SLC35F5: variants seen among roughly 807,000 people sequenced by gnomAD.
The protein encoded by SLC35F5 is solute carrier family 35 member F5, also known as HCV NS5A-transactivated protein 3.
Under a neutral mutation model 68.6 loss-of-function variants are expected in SLC35F5, and 54 were observed. The ratio of observed to expected loss-of-function variants is 0.79; its 90% CI spans 0.63 to 0.99. SLC35F5 has a LOEUF of 0.99. SLC35F5 is among the 50% of genes least tolerant of loss of function. The pLI is 0.00. For missense variants in SLC35F5, 567 were observed against 626.9 expected, an observed-to-expected ratio of 0.90 and a Z score of 1.02; for synonymous variants, 211 against 205.2, an observed-to-expected ratio of 1.03 and a Z score of -0.24.
chr2:113,756,105 T>C (rs1475875111), intron 1 of SLC35F5: 7 of 1,445,564 alleles, frequency 4.8e-6, no homozygotes, highest in Non-Finnish European at 6.3e-6. Context: ...ATCATCCTTC[T>C]GTTTTGGAGC....
rs1481495890 is a variant in SLC35F5, at chr2:113,710,115, T to A, written c.*5103A>T. Among the ~76,000 whole-genome samples the A allele has an allele frequency of 6.6e-6, 1 of 152,166 alleles. No homozygotes were observed. Among genetic ancestry groups the A allele is most frequent in the Non-Finnish European group, 1.5e-5 (1 of 68,022 alleles). On this transcript the variant is annotated 3_prime_UTR_variant, in exon 16 of 16. Transcript: ENST00000245680. Reference sequence around the variant, plus strand: ...ACAGGCATGAGCCTGTGTTCTCCCCTCTCTTCCAATAATGTGTATTCAACA... The same window carrying A: ...ACAGGCATGAGCCTGTGTTCTCCCCACTCTTCCAATAATGTGTATTCAACA...
chr2:113,718,797 A>C (rs1360172638), intron 14 of SLC35F5, among the ~76,000 whole-genome samples: 1 of 151,894 alleles, frequency 6.6e-6, no homozygotes, highest in Non-Finnish European at 1.5e-5. Context: ...TCTGTCAAGA[A>C]AGAGAAAAAA....
rs768903804 is a variant in SLC35F5 at position 113,742,734 on chromosome 2, A to G, written c.708T>C (p.Thr236=). 1.9e-6 allele frequency: 3 copies of G among 1,614,090 alleles called. No individual in the cohort carries two copies. In the South Asian group the frequency reaches 3.3e-5, roughly 18 times the overall value. ...ESILKTVGKL[T]ATQVAKISFF... ...AGCTAATTTTCGCTACTTGAGTTGCAGTAAGTTTCCCCACAGTTTTCAGTA... is the reference window on the plus strand; with the variant it reads ...AGCTAATTTTCGCTACTTGAGTTGCGGTAAGTTTCCCCACAGTTTTCAGTA... Residue 236 remains threonine, a synonymous_variant, in exon 7 of 16, where the codon ACT becomes ACC. Transcript: ENST00000245680.
At chr2:113,742,571 G>T in intron 7 of SLC35F5, 121 bp downstream of exon 7, 1 of 982,362 alleles carries the variant, frequency 1.0e-6, no homozygotes, top group Non-Finnish European at 1.5e-6. Flanking sequence ...AAATAGCAGA[G>T]TTTAAAGTCA....
chr2:113,721,889 C>T (rs1372713676), intron 13 of SLC35F5, among the ~76,000 whole-genome samples: 1 of 150,774 alleles, frequency 6.6e-6, no homozygotes, highest in East Asian at 1.9e-4. Flanking sequence ...AATTTACTGA[C>T]CATAAAACAA....
At position 113,731,648 on chromosome 2, in the gene SLC35F5, G is replaced by A. The variant is rs1026914401; in HGVS notation, c.921C>T (p.Ser307=). The change falls in exon 10 of 16, where the codon AGC becomes AGT. Residue 307 remains serine (S), a splice_region_variant and synonymous_variant. Transcript: ENST00000245680. ...TLSKLLAVIL[S]IGGVVLVNLA... is the part of the protein sequence containing the mutation. ...GGTTTACCAGTACAACGCCTCCAATGCTATGAGAATAACAGTCATTAATGA... is the reference window on the plus strand; with the variant it reads ...GGTTTACCAGTACAACGCCTCCAATACTATGAGAATAACAGTCATTAATGA... 1.2e-6 allele frequency: 2 copies of A among 1,611,450 alleles called. No individual in the cohort carries two copies. Among genetic ancestry groups the A allele is most frequent in the African/African-American group, 2.7e-5 (2 of 74,810 alleles).
chr2:113,731,380 T>A (rs1296042335), intron 10 of SLC35F5, among the ~76,000 whole-genome samples: 1 of 152,192 alleles, frequency 6.6e-6, no homozygotes, highest in Non-Finnish European at 1.5e-5. Flanking sequence ...TTATGTAAGT[T>A]GTTAACATTT....
At chr2:113,724,530 C>T (rs766211349) in intron 12 of SLC35F5, among the ~76,000 whole-genome samples, 1 of 151,900 alleles carries the variant, frequency 6.6e-6, no homozygotes, top group Non-Finnish European at 1.5e-5. Context: ...TGGGGGATAC[C>T]AAGAAAATAG....
At position 113,718,517 on chromosome 2, in the gene SLC35F5, T is replaced by C. The variant is rs148758612; in HGVS notation, c.1496+637A>G. ...TGTTATGGCAAAACAGTAAACCTTT[T>C]GGTATTACCTGTGAATCATATTTTT... On this transcript the variant is annotated intron_variant, in intron 14 of 15. Coordinates refer to ENST00000245680, the MANE Select transcript of SLC35F5 (RefSeq NM_025181.5). Among the ~76,000 whole-genome samples, 516 of 152,342 alleles carry C rather than the reference T, an allele frequency of 3.4e-3. 9 individuals are homozygous for C. Among genetic ancestry groups the C allele is most frequent in the African/African-American group, 0.012 (496 of 41,584 alleles).
At position 113,711,988 on chromosome 2, in the gene SLC35F5, A is replaced by G. The variant is rs1687002680; in HGVS notation, c.*3230T>C. 1.3e-5 allele frequency among the ~76,000 whole-genome samples: 2 copies of G among 152,226 alleles called. No homozygotes were observed. Among genetic ancestry groups the G allele is most frequent in the South Asian group, 4.1e-4 (2 of 4,838 alleles). Reference sequence around the variant, plus strand: ...TGTGAAAAGACTTGGCTTCCAGAGAAGTCATACCTTGCATACCCTGGAGTC... The same window carrying G: ...TGTGAAAAGACTTGGCTTCCAGAGAGGTCATACCTTGCATACCCTGGAGTC... On this transcript the variant is annotated 3_prime_UTR_variant, in exon 16 of 16. Coordinates refer to ENST00000245680, the MANE Select transcript of SLC35F5 (RefSeq NM_025181.5).
chr2:113,753,178 T>TTTC (rs1559367860), intron 3 of SLC35F5, among the ~76,000 whole-genome samples: 1 of 119,540 alleles, frequency 8.4e-6, no homozygotes, highest in African/African-American at 2.9e-5. Flanking sequence ...CTTTTTTTTT[T>TTTC]TTTTTTTTTT....
At chr2:113,718,906 A>G (rs369911086) in intron 14 of SLC35F5, among the ~76,000 whole-genome samples, 17 of 72,786 alleles carry the variant, frequency 2.3e-4, no homozygotes, top group Non-Finnish European at 3.8e-4. Context: ...AGAAAGAAAG[A>G]AAGAAAGAAA....
chr2:113,722,678 CA>C (rs1266768297), intron 13 of SLC35F5, among the ~76,000 whole-genome samples: 4 of 152,198 alleles, frequency 2.6e-5, no homozygotes, highest in Admixed American at 2.6e-4. Flanking sequence ...ATGGGATACC[CA>C]CTCTGCTGAG....
intron 4 of SLC35F5, among the ~76,000 whole-genome samples, chr2:113,748,783 ATTTAAAAAATTGT>A (rs1216840145): frequency 2.0e-5 from 3 of 152,068 alleles, no homozygotes. Flanking sequence ...CTTCACCTAC[ATTTAAAAAATTGT>A]TTTTAATTGT....
intron 1 of SLC35F5, chr2:113,755,980 C>T: frequency 6.5e-7 from 1 of 1,544,072 alleles, no homozygotes; most frequent in Non-Finnish European, 8.7e-7. Context: ...TGCTGTGGGT[C>T]TTGAAGGCAC....
intron 5 of SLC35F5, among the ~76,000 whole-genome samples, chr2:113,745,369 C>T (rs1324397970): frequency 2.0e-5 from 3 of 152,130 alleles, no homozygotes; most frequent in Non-Finnish European, 2.9e-5. Context: ...AATAAGGTCA[C>T]CAAGCCAGTG....
intron 13 of SLC35F5, 111 bp from the exon 14 acceptor site, chr2:113,719,419 GA>G (rs1190401060): frequency 2.3e-5 from 22 of 940,458 alleles, no homozygotes; most frequent in Admixed American, 3.2e-5. Context: ...AGAACAATGG[GA>G]AGACAAAATT....
At chr2:113,726,653 C>A (rs540191588) in intron 11 of SLC35F5, among the ~76,000 whole-genome samples, 2 of 152,252 alleles carry the variant, frequency 1.3e-5, no homozygotes, top group East Asian at 3.9e-4. Flanking sequence ...TGAAGGGGGG[C>A]AAATAAGTCT....
chr2:113,736,916 T>G (rs1346343583), intron 7 of SLC35F5, among the ~76,000 whole-genome samples: 1 of 152,198 alleles, frequency 6.6e-6, no homozygotes, highest in African/African-American at 2.4e-5. Flanking sequence ...TCACTGATAA[T>G]TCATCCATTT....
Sources: allele counts gnomAD v4.1 joint callset (sites outside exome capture counted in the v4.1 genomes callset), GRCh38; gene constraint gnomAD v4.1.1; transcripts MANE v1.5; gene names NCBI Gene and HGNC (gene_info 2026-07-23, HGNC 2026-07-21).